Variants in DSP observed in about 807,000 individuals in gnomAD.
The protein encoded by DSP is 250/210 kDa paraneoplastic pemphigus antigen.
A neutral mutation model predicts 290.6 loss-of-function variants in DSP; 114 were observed. That is an observed-to-expected ratio of 0.39 (90% CI 0.34 to 0.46). The LOEUF is 0.46. Ranked by LOEUF, DSP falls within the 20% of genes least tolerant of loss-of-function variation. The pLI is 0.99. For synonymous variants in DSP, 1,311 were observed against 1,316.4 expected (o/e 1.00, Z 0.09); for missense variants, 3,230 against 3,495.8 (o/e 0.92, Z 1.92).
At chr6:7,559,508 G>A (rs944720034) in intron 4 of DSP, 108 bp downstream of exon 4, 46 of 1,406,184 alleles carry the variant, frequency 3.3e-5, no homozygotes, top group Middle Eastern at 2.5e-4. Context: ...CTCAGGTGGC[G>A]GCAGCAGCTT....
Position 7,586,621 on chromosome 6 carries a change from T to A in DSP, c.*743T>A, listed in dbSNP as rs1759684403. On this transcript the variant is annotated 3_prime_UTR_variant, in exon 24 of 24. Transcript: ENST00000379802. Reference sequence around the variant, plus strand: ...ATGTTTATAAGCATGTATAAACATTTAGCATATTTTTATCATAGGTCTAAA... The same window carrying A: ...ATGTTTATAAGCATGTATAAACATTAAGCATATTTTTATCATAGGTCTAAA... 1 of 152,268 alleles carries A rather than the reference T, an allele frequency of 6.6e-6. No homozygotes were observed. Among genetic ancestry groups the A allele is most frequent in the East Asian group, 1.9e-4 (1 of 5,206 alleles). The allele number at this position is 152,268 out of a possible 1,614,324, so 9.4% of individuals were successfully genotyped here.
chr6:7,551,585 G>C (rs1053568729), intron 1 of DSP, among the ~76,000 whole-genome samples: 5 of 151,790 alleles, frequency 3.3e-5, no homozygotes, highest in African/African-American at 1.2e-4. Context: ...AGCTGAGATT[G>C]TGCCACTGCA....
chr6:7,574,637 GCTT>G lies in DSP; in HGVS notation c.2298-16_2298-14del, dbSNP rs768206891. On this transcript the variant is annotated splice_polypyrimidine_tract_variant and intron_variant, in intron 16 of 23. Transcript: ENST00000379802. ...AATTATGTCACTGGCAATTTTATGTGCTTCTTTTGCTCTTTCCAGCTTATGCAC... is the reference window on the plus strand; with the variant it reads ...AATTATGTCACTGGCAATTTTATGTGCTTTTGCTCTTTCCAGCTTATGCAC... The G allele has an allele frequency of 6.2e-7, 1 of 1,613,876 alleles. No homozygotes were observed. Among genetic ancestry groups the G allele is most frequent in the East Asian group, 2.2e-5 (1 of 44,882 alleles).
chr6:7,551,602 C>T (rs1264640854), intron 1 of DSP, among the ~76,000 whole-genome samples: 1 of 151,640 alleles, frequency 6.6e-6, no homozygotes, highest in Non-Finnish European at 1.5e-5. Flanking sequence ...TGCACTCCAG[C>T]CTGGGCGACA....
In DSP at chr6:7,542,711, T is replaced by C. The variant is rs187645831; in HGVS notation, c.170+626T>C. Reference sequence around the variant, plus strand: ...CTTCCCCTGTCCGGGAAACGAAACTTCCCCGCCGGGGCGGCTGCCGGGCCC... The same window carrying C: ...CTTCCCCTGTCCGGGAAACGAAACTCCCCCGCCGGGGCGGCTGCCGGGCCC... On this transcript the variant is annotated intron_variant, in intron 1 of 23. Coordinates refer to ENST00000379802, the MANE Select transcript of DSP (RefSeq NM_004415.4). Among the ~76,000 whole-genome samples, 484 of 152,120 alleles carry C rather than the reference T, an allele frequency of 3.2e-3. 1 individual carries two copies. The highest frequency in any genetic ancestry group is 0.011 in the Admixed American group (167 of 15,296).
intron 4 of DSP, among the ~76,000 whole-genome samples, chr6:7,561,608 T>G (rs916479940): frequency 3.9e-5 from 6 of 152,186 alleles, no homozygotes; most frequent in Non-Finnish European, 8.8e-5. Flanking sequence ...TGGAGCCTGG[T>G]CACGTTGCTA....
In DSP at chr6:7,574,874, G is replaced by A. The variant is rs1020921369; in HGVS notation, c.2436+79G>A. ...GAGCTCCCAATTATAAAGCCTCACT[G>A]GGTTTTCATGAGTTTTGAGGATTAT... On this transcript the variant is annotated intron_variant, in intron 17 of 23. Transcript: ENST00000379802. 13 of 1,599,624 alleles carry A rather than the reference G, an allele frequency of 8.1e-6. No homozygotes were observed. The Admixed American group carries it at 2.2e-4, about 27-fold the overall frequency.
rs1758083261 is a variant in DSP, at chr6:7,543,478, G to C, written c.170+1393G>C. On this transcript the variant is annotated intron_variant, in intron 1 of 23. Transcript: ENST00000379802. Reference sequence around the variant, plus strand: ...GTTTCCTGAACAAAATGTGTCTGGGGATTTCCAGGGAAAATGTGCCAAGCA... The same window carrying C: ...GTTTCCTGAACAAAATGTGTCTGGGCATTTCCAGGGAAAATGTGCCAAGCA... Among the ~76,000 whole-genome samples the C allele has an allele frequency of 2.7e-5, 4 of 148,252 alleles. No homozygotes were observed. The South Asian group carries it at 6.5e-4, about 24-fold the overall frequency.
chr6:7,542,189 T>A (rs1758009426), intron 1 of DSP, 104 bp downstream of exon 1: 1 of 1,471,206 alleles, frequency 6.8e-7, no homozygotes, highest in South Asian at 1.3e-5. Flanking sequence ...GTGGAAAGGT[T>A]TTTTTGCCCC....
intron 8 of DSP, 39 bp downstream of exon 8, chr6:7,566,520 A>G (rs772400396): frequency 1.3e-6 from 2 of 1,553,934 alleles, no homozygotes; most frequent in Non-Finnish European, 8.8e-7. Flanking sequence ...TAGAAAAAAA[A>G]AAACTTTTCA....
At chr6:7,561,593 T>C (rs1419475541) in intron 4 of DSP, among the ~76,000 whole-genome samples, 2 of 152,162 alleles carry the variant, frequency 1.3e-5, no homozygotes, top group Non-Finnish European at 2.9e-5. Flanking sequence ...ATGAGACGCC[T>C]GAGCTGGAGC....
chr6:7,580,820 A>G lies in DSP; in HGVS notation c.4630A>G (p.Arg1544Gly), dbSNP rs1397024926. ...ELTRLRIDYE[R>G]VSQERTVKDQ... Reference sequence around the variant, plus strand: ...GACACGCCTGAGGATCGACTATGAAAGGGTTTCCCAGGAGAGGACTGTGAA... The same window carrying G: ...GACACGCCTGAGGATCGACTATGAAGGGGTTTCCCAGGAGAGGACTGTGAA... Residue 1544 changes from arginine to glycine, a missense_variant, in exon 23 of 24, where the codon AGG (arginine) becomes GGG (glycine). Around this residue, in one of 5 missense-constraint regions of DSP, gnomAD observed 1,714 missense variants for 1,844.5 expected, o/e 0.93. Coordinates refer to ENST00000379802, the MANE Select transcript of DSP (RefSeq NM_004415.4). This position sits in a 1 kb window ranked among gnomAD's most constrained non-coding sequence, Gnocchi z 4.2. The G allele has an allele frequency of 6.2e-7, 1 of 1,614,174 alleles. No individual in the cohort carries two copies. Among genetic ancestry groups the G allele is most frequent in the Non-Finnish European group, 8.5e-7 (1 of 1,180,034 alleles).
In DSP at chr6:7,565,017, G is replaced by A. The variant is rs900929403; in HGVS notation, c.778-342G>A. Among the ~76,000 whole-genome samples, 1 of 152,122 alleles carries A rather than the reference G, an allele frequency of 6.6e-6. No homozygotes were observed. Reference sequence around the variant, plus strand: ...AAATTAGCAGGACGTGGTGGTGCATGTCTGTAATCCCACCTACTCGGGAAG... The same window carrying A: ...AAATTAGCAGGACGTGGTGGTGCATATCTGTAATCCCACCTACTCGGGAAG... On this transcript the variant is annotated intron_variant, in intron 6 of 23. Coordinates refer to ENST00000379802, the MANE Select transcript of DSP (RefSeq NM_004415.4). This position sits in a 1 kb window ranked among gnomAD's most constrained non-coding sequence, Gnocchi z 4.2.
chr6:7,586,197 G>A lies in DSP; in HGVS notation c.*319G>A. On this transcript the variant is annotated 3_prime_UTR_variant, in exon 24 of 24. Coordinates refer to ENST00000379802, the MANE Select transcript of DSP (RefSeq NM_004415.4). ...TTTGATCAATTCTTTAATTTTGGAA[G>A]CCTATAATACAGTTTTCTATTCTTG... 4 of 270,794 alleles carry A rather than the reference G, an allele frequency of 1.5e-5. No homozygotes were observed. The highest frequency in any genetic ancestry group is 2.8e-5 in the Non-Finnish European group (4 of 142,312). The allele number at this position is 270,794 out of a possible 1,614,324, so 16.8% of individuals were successfully genotyped here.
chr6:7,582,963 A>G lies in DSP; in HGVS notation c.5701A>G (p.Arg1901Gly). 1 of 1,614,112 alleles carries G rather than the reference A, an allele frequency of 6.2e-7. No individual in the cohort carries two copies. The highest frequency in any genetic ancestry group is 8.5e-7 in the Non-Finnish European group (1 of 1,180,020). ...GAACAGTCTTAGGAGTGAGATCGAA[A>G]GACTCCAAGCAGAGATCAAGAGAAT... ...EKNSLRSEIERLQAEIKRIEE... is the reference protein window; with the variant it reads ...EKNSLRSEIEGLQAEIKRIEE... Residue 1901 changes from arginine (R) to glycine (G), a missense_variant, in exon 24 of 24, where the codon AGA becomes GGA. This residue lies in a region of DSP where 1,714 missense variants were observed against 1,844.5 expected (regional missense o/e 0.93). Coordinates refer to ENST00000379802, the MANE Select transcript of DSP (RefSeq NM_004415.4). The surrounding 1 kb of genome is among the most constrained non-coding windows in gnomAD (Gnocchi z 4.2).
intron 3 of DSP, 41 bp downstream of exon 3, chr6:7,558,305 A>G (rs751874912): frequency 6.3e-7 from 1 of 1,597,110 alleles, no homozygotes; most frequent in Non-Finnish European, 8.5e-7. Flanking sequence ...CCCCATGAAA[A>G]AGAACACCAC....
In DSP at chr6:7,577,972, C is replaced by T. The variant is rs555973309; in HGVS notation, c.2985+86C>T. ...CTGTCTCCTGCCTCTTCCCTTTTCC[C>T]TGTCTCCTGCCTGTCTTCCTTACCA... On this transcript the variant is annotated intron_variant, in intron 21 of 23. Transcript: ENST00000379802. 5 of 1,072,048 alleles carry T rather than the reference C, an allele frequency of 4.7e-6. No individual in the cohort carries two copies. In the East Asian group the frequency reaches 1.2e-4, roughly 26 times the overall value. 66.4% of individuals were successfully genotyped at this position (1,072,048 alleles called of 1,614,324 possible).
At chr6:7,576,723 A>G (rs1759250305) in intron 19 of DSP, among the ~76,000 whole-genome samples, 2 of 152,242 alleles carry the variant, frequency 1.3e-5, no homozygotes, top group African/African-American at 4.8e-5. Flanking sequence ...ATAGGCCCAG[A>G]AAACAGGCTG....
In DSP at chr6:7,582,289, T is replaced by C. The variant is rs2113697260; in HGVS notation, c.5380-353T>C. 6.7e-6 allele frequency among the ~76,000 whole-genome samples: 1 copy of C among 150,186 alleles called. No individual in the cohort carries two copies. The highest frequency in any genetic ancestry group is 2.1e-4 in the South Asian group (1 of 4,798). On this transcript the variant is annotated intron_variant, in intron 23 of 23. Transcript: ENST00000379802. This position sits in a 1 kb window ranked among gnomAD's most constrained non-coding sequence, Gnocchi z 4.2. ...GCTTCATTAAGTATGTTCATCTAGC[T>C]GTAACAGGTGAGATGTAGGTGTAGC...
Sources: gnomAD v4.1 joint callset for allele counts (sites outside exome capture counted in the v4.1 genomes callset) on GRCh38, gnomAD v4.1.1 for gene constraint, gnomAD v4.1.1 regional missense constraint, Gnocchi (gnomAD v3.1) non-coding constraint, MANE v1.5 for transcripts, NCBI Gene and HGNC (gene_info 2026-07-23, HGNC 2026-07-21) for gene names.